The following CUX1 variants were observed in gnomAD, a reference collection of about 807,000 sequenced individuals.
The protein encoded by CUX1 is cut like homeobox 1, also known as protein CASP.
In CUX1, 31 loss-of-function variants were observed where a neutral mutation model predicts 158.8. That is an observed-to-expected ratio of 0.20 (90% CI 0.15 to 0.26). The LOEUF is 0.26. Among genes scored for constraint, CUX1 ranks in the 10% least tolerant of loss-of-function variants. The probability of loss-of-function intolerance (pLI) is 1.00; values close to 1 mark genes in which losing one functional copy is unlikely to be tolerated. For missense variants in CUX1, 1,589 were observed against 2,014.6 expected, an observed-to-expected ratio of 0.79 and a Z score of 4.04; for synonymous variants, 879 against 862.1, an observed-to-expected ratio of 1.02 and a Z score of -0.34.
At chr7:102,088,685 C>T (rs446076) in intron 4 of CUX1, among the ~76,000 whole-genome samples, 67,530 of 151,992 alleles carry the variant, frequency 0.44, 17,737 homozygotes, top group African/African-American at 0.73. Context: ...GGTTTGGGTT[C>T]TGGTTTTTTC....
rs147733372 is a variant in CUX1 at position 101,840,955 on chromosome 7, G to A, written c.30+23286G>A. 1.5e-3 allele frequency among the ~76,000 whole-genome samples: 220 copies of A among 151,720 alleles called. 1 individual carries two copies. The highest frequency in any genetic ancestry group is 4.8e-3 in the African/African-American group (198 of 41,358). ...ATCGCCCAGGCTGGAGTGCAGTGGC[G>A]CGATCTCAGCTCACTGCAACCTCTG... On this transcript the variant is annotated intron_variant, in intron 1 of 23. Coordinates refer to ENST00000292535, the MANE Select transcript of CUX1 (RefSeq NM_181552.4).
chr7:102,081,001 A>G (rs1364820031), intron 4 of CUX1, among the ~76,000 whole-genome samples: 2 of 152,184 alleles, frequency 1.3e-5, no homozygotes, highest in Non-Finnish European at 2.9e-5. Flanking sequence ...AGGAAAATAC[A>G]TGACCGATAC....
At chr7:102,135,372 T>A (rs1554498439) in intron 8 of CUX1, among the ~76,000 whole-genome samples, 1 of 152,114 alleles carries the variant, frequency 6.6e-6, no homozygotes, top group African/African-American at 2.4e-5. Context: ...AAGGTCTTCA[T>A]CCCTGTTGTC....
intron 2 of CUX1, among the ~76,000 whole-genome samples, chr7:101,923,159 C>T (rs1202911287): frequency 6.6e-6 from 1 of 152,118 alleles, no homozygotes; most frequent in Non-Finnish European, 1.5e-5. Flanking sequence ...AGTGGCTGGA[C>T]AGTTTGGAGA....
chr7:101,857,821 C>G (rs1797034036), intron 1 of CUX1, among the ~76,000 whole-genome samples: 1 of 152,134 alleles, frequency 6.6e-6, no homozygotes, highest in African/African-American at 2.4e-5. Context: ...TCAGCTTCAT[C>G]ATGGTCATTT....
intron 1 of CUX1, among the ~76,000 whole-genome samples, chr7:101,830,261 C>T (rs995418815): frequency 2.6e-5 from 4 of 152,196 alleles, no homozygotes; most frequent in Admixed American, 6.5e-5. Context: ...GCACCCACCA[C>T]GCAGGCTTCT....
intron 3 of CUX1, among the ~76,000 whole-genome samples, chr7:102,059,965 C>A (rs561065954): frequency 1.3e-5 from 2 of 152,176 alleles, no homozygotes; most frequent in Non-Finnish European, 2.9e-5. Flanking sequence ...AATATGCCGT[C>A]TTCACTGTGG....
intron 2 of CUX1, among the ~76,000 whole-genome samples, chr7:101,940,977 T>G (rs1230740762): frequency 6.6e-6 from 1 of 152,202 alleles, no homozygotes; most frequent in Non-Finnish European, 1.5e-5. Flanking sequence ...TCTGCATTTC[T>G]CTTGTAGTGA....
intron 19 of CUX1, among the ~76,000 whole-genome samples, chr7:102,204,897 G>A (rs1795792407): frequency 6.6e-6 from 1 of 152,228 alleles, no homozygotes; most frequent in Non-Finnish European, 1.5e-5. Flanking sequence ...TCAGCCAAAG[G>A]TACAAAAGTG....
intron 18 of CUX1, chr7:102,278,109 GGA>G: frequency 7.0e-7 from 1 of 1,433,098 alleles, no homozygotes; most frequent in Non-Finnish European, 9.8e-7. Flanking sequence ...GACCAGGCAG[GGA>G]GAGAGGCCGA....
At position 102,170,436 on chromosome 7, in the gene CUX1, T is replaced by A; in HGVS notation, c.724-10T>A. The A allele has an allele frequency of 6.4e-7, 1 of 1,557,340 alleles. No homozygotes were observed. Among genetic ancestry groups the A allele is most frequent in the Non-Finnish European group, 8.7e-7 (1 of 1,147,766 alleles). On this transcript the variant is annotated splice_polypyrimidine_tract_variant and intron_variant, in intron 9 of 23. Transcript: ENST00000292535. ...GTACTTTCTCTTTCACCCCTTTTCA[T>A]TTCCTTCAGAGGGCAGAGGTGGCTC...
intron 1 of CUX1, among the ~76,000 whole-genome samples, chr7:101,892,858 T>C (rs1047264517): frequency 6.6e-6 from 1 of 152,162 alleles, no homozygotes; most frequent in African/African-American, 2.4e-5. Flanking sequence ...TAATATTTAT[T>C]ATATGAATAA....
At chr7:102,199,033 C>T (rs1554519049) in intron 16 of CUX1, among the ~76,000 whole-genome samples, 166 bp downstream of exon 16, 2 of 152,104 alleles carry the variant, frequency 1.3e-5, no homozygotes, top group Admixed American at 1.3e-4. Context: ...ACACCCAGCC[C>T]CTTCCTCCCG....
chr7:102,272,473 G>A (rs1302754897), intron 14 of CUX1, among the ~76,000 whole-genome samples: 1 of 152,232 alleles, frequency 6.6e-6, no homozygotes, highest in East Asian at 1.9e-4. Flanking sequence ...CCCTCTCTGC[G>A]GCCCCAACAG....
In CUX1 at chr7:102,278,011, C is replaced by T. The variant is rs146927122; in HGVS notation, c.1626C>T (p.Ala542=). Residue 542 remains alanine (A), a synonymous_variant, in exon 18 of 23, where the codon GCC becomes GCT. Coordinates refer to the CUX1 transcript ENST00000292538. ...AGAGTGAGCTGGACAGCCTGCGCGCCGACAACATCAAGCTCTTTGAGAAGA... is the reference window on the plus strand; with the variant it reads ...AGAGTGAGCTGGACAGCCTGCGCGCTGACAACATCAAGCTCTTTGAGAAGA... 1.2e-4 allele frequency: 195 copies of T among 1,609,010 alleles called. No homozygotes were observed. The African/African-American group carries it at 1.7e-3, about 14-fold the overall frequency.
rs782381574 is a variant in CUX1 at position 102,201,548 on chromosome 7, A to G, written c.2251A>G (p.Met751Val). ...LTPKLLSTSP[M>V]PTVSSYPPLA... Reference sequence around the variant, plus strand: ...CCCCAAGCTTCTGTCCACCTCGCCCATGCCCACCGTGTCCAGCTACCCACC... The same window carrying G: ...CCCCAAGCTTCTGTCCACCTCGCCCGTGCCCACCGTGTCCAGCTACCCACC... The change falls in exon 18 of 24, where the codon ATG (methionine) becomes GTG (valine). Residue 751 changes from methionine to valine, a missense_variant. Met to Val is a conservative substitution (Grantham distance 21). Around this residue, in one of 8 missense-constraint regions of CUX1, gnomAD observed 337 missense variants for 409.3 expected, o/e 0.82. Transcript: ENST00000292535. This position sits in a 1 kb window ranked among gnomAD's most constrained non-coding sequence, Gnocchi z 5.0. 18 of 1,613,940 alleles carry G rather than the reference A, an allele frequency of 1.1e-5. No individual in the cohort carries two copies. The East Asian group carries it at 3.8e-4, about 34-fold the overall frequency.
Position 101,869,864 on chromosome 7 carries a change from G to A in CUX1, c.31-46251G>A, listed in dbSNP as rs1237503203. Among the ~76,000 whole-genome samples, 1 of 152,108 alleles carries A rather than the reference G, an allele frequency of 6.6e-6. No individual in the cohort carries two copies. Among genetic ancestry groups the A allele is most frequent in the Non-Finnish European group, 1.5e-5 (1 of 68,018 alleles). On this transcript the variant is annotated intron_variant, in intron 1 of 23. Coordinates refer to ENST00000292535, the MANE Select transcript of CUX1 (RefSeq NM_181552.4). The surrounding 1 kb of genome is among the most constrained non-coding windows in gnomAD (Gnocchi z 4.5). ...ATCTTAAATCCTCTTGTTAAGACGC[G>A]CTCCGCCCCTGTGTCCTTATTTCCC... is the stretch of plus-strand genomic sequence containing the variant.
At chr7:102,217,543 A>G (rs1367838937) in intron 20 of CUX1, among the ~76,000 whole-genome samples, 1 of 152,256 alleles carries the variant, frequency 6.6e-6, no homozygotes, top group Non-Finnish European at 1.5e-5. Flanking sequence ...GAGAGTCGAA[A>G]ACCATCCCCA....
intron 1 of CUX1, among the ~76,000 whole-genome samples, chr7:101,887,891 C>G (rs1409783057): frequency 7.5e-6 from 1 of 133,024 alleles, no homozygotes; most frequent in Non-Finnish European, 1.6e-5. Context: ...TTCATCGGAT[C>G]TCTTTTGGTT....
Sources: gnomAD v4.1 joint callset for allele counts (sites outside exome capture counted in the v4.1 genomes callset) on GRCh38, gnomAD v4.1.1 for gene constraint, gnomAD v4.1.1 regional missense constraint, Gnocchi (gnomAD v3.1) non-coding constraint, MANE v1.5 for transcripts, NCBI Gene and HGNC (gene_info 2026-07-23, HGNC 2026-07-21) for gene names.